Variants in AFG2A observed in about 807,000 individuals in gnomAD.
The protein encoded by AFG2A is ATPase family gene 2 protein homolog A.
chr4:123,066,169 G>A, the AFG2A span, among the ~76,000 whole-genome samples: 1 of 152,130 alleles, frequency 6.6e-6, no homozygotes, highest in African/African-American at 2.4e-5. Context: ...AGGCTTAGCG[G>A]CATTCTGAAA....
chr4:123,075,990 A>AC, the AFG2A span, among the ~76,000 whole-genome samples: 3 of 150,998 alleles, frequency 2.0e-5, no homozygotes, highest in South Asian at 2.1e-4. Flanking sequence ...AAAAAAAACA[A>AC]AAAAAAAAGA....
the AFG2A span, among the ~76,000 whole-genome samples, chr4:123,160,644 GA>G: frequency 3.5e-5 from 5 of 143,610 alleles, no homozygotes; most frequent in Non-Finnish European, 7.7e-5. Context: ...TTAAGAATCA[GA>G]CCTTCCGACC....
chr4:123,244,480 T>G, the AFG2A span, among the ~76,000 whole-genome samples: 7 of 152,218 alleles, frequency 4.6e-5, no homozygotes, highest in Admixed American at 4.6e-4. Context: ...GCGTCACCAC[T>G]GTGCAACCCA....
At chr4:123,132,804 G>A in the AFG2A span, among the ~76,000 whole-genome samples, 11 of 139,188 alleles carry the variant, frequency 7.9e-5, no homozygotes, top group African/African-American at 2.7e-4. Flanking sequence ...TTTTTGAGAC[G>A]GAGTCTCGCT....
At chr4:122,950,883 C>A in the AFG2A span, among the ~76,000 whole-genome samples, 1 of 152,198 alleles carries the variant, frequency 6.6e-6, no homozygotes, top group Non-Finnish European at 1.5e-5. Context: ...TGTTCCTGTG[C>A]ACGGGTAAGA....
At chr4:123,262,300 T>A in the AFG2A span, among the ~76,000 whole-genome samples, 5 of 152,202 alleles carry the variant, frequency 3.3e-5, no homozygotes, top group African/African-American at 9.7e-5. Context: ...CTTTCTAGTT[T>A]TAATCATATT....
chr4:123,103,436 A>AT, the AFG2A span, among the ~76,000 whole-genome samples: 1 of 152,086 alleles, frequency 6.6e-6, no homozygotes, highest in Non-Finnish European at 1.5e-5. Context: ...AGCACTTTAC[A>AT]TGTATTTTAC....
chr4:123,275,367 A>T, the AFG2A span, among the ~76,000 whole-genome samples: 1,936 of 152,238 alleles, frequency 0.013, 48 homozygotes, highest in African/African-American at 0.044. Context: ...TAACTACAAA[A>T]AATTTTTTTA....
the AFG2A span, among the ~76,000 whole-genome samples, chr4:123,108,322 G>C: frequency 6.6e-6 from 1 of 151,850 alleles, no homozygotes; most frequent in Non-Finnish European, 1.5e-5. Context: ...AATCAGTTAT[G>C]TGTGTATTGA....
the AFG2A span, among the ~76,000 whole-genome samples, chr4:123,105,414 T>A: frequency 6.6e-6 from 1 of 152,220 alleles, no homozygotes; most frequent in Non-Finnish European, 1.5e-5. Flanking sequence ...AATGTTTTTG[T>A]GTCTGCTAAA....
the AFG2A span, among the ~76,000 whole-genome samples, chr4:123,165,812 A>G: frequency 6.6e-6 from 1 of 152,294 alleles, no homozygotes; most frequent in African/African-American, 2.4e-5. Flanking sequence ...AGGAAGTCTT[A>G]AATTTTTCAT....
At chr4:123,031,635 G>C in the AFG2A span, among the ~76,000 whole-genome samples, 1 of 152,180 alleles carries the variant, frequency 6.6e-6, no homozygotes, top group Admixed American at 6.5e-5. Context: ...ACATACACTA[G>C]AATTCTCTAG....
chr4:123,098,269 A>G, the AFG2A span, among the ~76,000 whole-genome samples: 4 of 152,060 alleles, frequency 2.6e-5, no homozygotes, highest in African/African-American at 4.8e-5. Context: ...GTATCTGTTT[A>G]TAGAGTACAA....
chr4:123,108,120 C>T, the AFG2A span, among the ~76,000 whole-genome samples: 1 of 152,230 alleles, frequency 6.6e-6, no homozygotes, highest in Non-Finnish European at 1.5e-5. Context: ...CGCACCTACC[C>T]AGTGCAGCGG....
the AFG2A span, among the ~76,000 whole-genome samples, chr4:123,018,736 C>T: frequency 4.6e-5 from 7 of 151,624 alleles, no homozygotes; most frequent in East Asian, 3.9e-4. Flanking sequence ...CAGGTTCAAG[C>T]GAGTCTCCTG....
the AFG2A span, among the ~76,000 whole-genome samples, chr4:122,946,301 A>G: frequency 2.0e-5 from 3 of 152,344 alleles, no homozygotes; most frequent in Non-Finnish European, 4.4e-5. Context: ...AATTATTTCA[A>G]TCTGCTGTCT....
chr4:122,938,709 G>A, the AFG2A span, among the ~76,000 whole-genome samples: 2 of 152,096 alleles, frequency 1.3e-5, no homozygotes, highest in African/African-American at 4.8e-5. Flanking sequence ...TCCTGCCTCA[G>A]CCTCCTGAGT....
the AFG2A span, among the ~76,000 whole-genome samples, chr4:123,207,592 C>T: frequency 6.6e-6 from 1 of 152,148 alleles, no homozygotes; most frequent in African/African-American, 2.4e-5. Context: ...GCTGAAATTA[C>T]AGGTGTGAGC....
At chr4:123,130,503 T>C in the AFG2A span, among the ~76,000 whole-genome samples, 1 of 152,222 alleles carries the variant, frequency 6.6e-6, no homozygotes, top group Admixed American at 6.5e-5. Flanking sequence ...AAATGTCATA[T>C]AAATGTAATC....
Sources: allele counts gnomAD v4.1 joint callset (sites outside exome capture counted in the v4.1 genomes callset), GRCh38; gene constraint gnomAD v4.1.1; transcripts MANE v1.5; gene names NCBI Gene and HGNC (gene_info 2026-07-23, HGNC 2026-07-21).